The following ABTB2 variants were observed in gnomAD, a reference collection of about 807,000 sequenced individuals.
ABTB2 encodes the protein ankyrin repeat and BTB/POZ domain-containing protein 2.
ABTB2 carries 56 observed loss-of-function variants against 104.1 expected under a neutral mutation model. The ratio of observed to expected loss-of-function variants is 0.54; its 90% confidence interval spans 0.43 to 0.67. ABTB2 has a LOEUF of 0.67. ABTB2 is among the 30% of genes least tolerant of loss of function. ABTB2 has a pLI of 0.00. For synonymous variants in ABTB2, 606 were observed against 608.2 expected (o/e 1.00, Z 0.05); for missense variants, 1,279 against 1,407.7 (o/e 0.91, Z 1.46).
intron 1 of ABTB2, among the ~76,000 whole-genome samples, chr11:34,253,562 G>A (rs1027180894): frequency 2.6e-5 from 4 of 152,034 alleles, no homozygotes; most frequent in Non-Finnish European, 5.9e-5. Context: ...TGTAATCCCA[G>A]CTACTCGGGA....
chr11:34,196,524 A>G (rs1853258427), intron 3 of ABTB2, among the ~76,000 whole-genome samples: 1 of 152,218 alleles, frequency 6.6e-6, no homozygotes, highest in African/African-American at 2.4e-5. Flanking sequence ...ATTGCACTCC[A>G]GCCTGGGCAA....
chr11:34,217,533 C>T (rs543625600), intron 1 of ABTB2, among the ~76,000 whole-genome samples: 1 of 152,304 alleles, frequency 6.6e-6, no homozygotes, highest in South Asian at 2.1e-4. Context: ...GTGATCCTGG[C>T]TCACCACAAT....
At chr11:34,235,970 G>A (rs531749613) in intron 1 of ABTB2, among the ~76,000 whole-genome samples, 2 of 152,342 alleles carry the variant, frequency 1.3e-5, no homozygotes, top group Admixed American at 1.3e-4. Flanking sequence ...TAGCTTCCCT[G>A]CTGCCCACAC....
At chr11:34,201,578 A>G (rs1853339374) in intron 2 of ABTB2, among the ~76,000 whole-genome samples, 1 of 152,172 alleles carries the variant, frequency 6.6e-6, no homozygotes, top group South Asian at 2.1e-4. Context: ...GATGTTGGAG[A>G]GGCTCAGGGA....
At chr11:34,217,547 C>T (rs964007005) in intron 1 of ABTB2, among the ~76,000 whole-genome samples, 5 of 152,128 alleles carry the variant, frequency 3.3e-5, no homozygotes, top group Non-Finnish European at 5.9e-5. Flanking sequence ...CCACAATCTT[C>T]GCCTCCTGGG....
intron 1 of ABTB2, among the ~76,000 whole-genome samples, chr11:34,220,391 T>A (rs1184385325): frequency 6.6e-6 from 1 of 152,232 alleles, no homozygotes; most frequent in South Asian, 2.1e-4. Context: ...TTCTGGACAA[T>A]GAGACATCAA....
chr11:34,177,502 C>T (rs1448451434), intron 3 of ABTB2, among the ~76,000 whole-genome samples: 3 of 152,098 alleles, frequency 2.0e-5, no homozygotes, highest in African/African-American at 7.2e-5. Context: ...GCAGAGGCCA[C>T]CTTTGTGTTC....
intron 3 of ABTB2, among the ~76,000 whole-genome samples, chr11:34,189,499 G>A (rs1853145249): frequency 1.3e-5 from 2 of 152,152 alleles, no homozygotes; most frequent in African/African-American, 4.8e-5. Context: ...TACTCAGGAG[G>A]TGGAGGTGGG....
rs78506048 is a variant in ABTB2, at chr11:34,310,897, G to A, written c.883+45804C>T. Among the ~76,000 whole-genome samples the A allele has an allele frequency of 3.7e-3, 559 of 152,304 alleles. 2 individuals carry two copies. Among genetic ancestry groups the A allele is most frequent in the African/African-American group, 0.012 (484 of 41,566 alleles). ...AAAACAGCTGTGAGAGCAAATGTGT[G>A]CATTTGTGCTGTTTTTGGAAGGGAA... On this transcript the variant is annotated intron_variant, in intron 1 of 16. Transcript: ENST00000435224.
intron 3 of ABTB2, among the ~76,000 whole-genome samples, chr11:34,185,512 T>C (rs1227586137): frequency 6.6e-6 from 1 of 152,238 alleles, no homozygotes; most frequent in Non-Finnish European, 1.5e-5. Context: ...ATGTTACCTC[T>C]GAAACAGTCA....
At chr11:34,284,865 G>A (rs558483641) in intron 1 of ABTB2, among the ~76,000 whole-genome samples, 2 of 152,376 alleles carry the variant, frequency 1.3e-5, no homozygotes, top group East Asian at 3.9e-4. Context: ...TGGAGCCAGA[G>A]GGGTGTTAAT....
intron 1 of ABTB2, among the ~76,000 whole-genome samples, chr11:34,283,010 G>A (rs1854465805): frequency 6.6e-6 from 1 of 151,122 alleles, no homozygotes; most frequent in South Asian, 2.1e-4. Flanking sequence ...CCGGGTTCAC[G>A]CCATTCCCCA....
At position 34,158,564 on chromosome 11, in the gene ABTB2, C is replaced by G. The variant is rs554093500; in HGVS notation, c.2697+732G>C. 2.0e-5 allele frequency among the ~76,000 whole-genome samples: 3 copies of G among 152,328 alleles called. No homozygotes were observed. In the East Asian group the frequency reaches 5.8e-4, roughly 29 times the overall value. On this transcript the variant is annotated intron_variant, in intron 14 of 16. Transcript: ENST00000435224. ...GCTGCCTCCTGGCCTCAGTCCCAGC[C>G]CATAAGGGTCAGCTCTTGCAGCCCT... is the stretch of plus-strand genomic sequence containing the variant.
intron 1 of ABTB2, among the ~76,000 whole-genome samples, chr11:34,318,610 AC>A (rs1239104058): frequency 6.6e-6 from 1 of 152,186 alleles, no homozygotes; most frequent in Non-Finnish European, 1.5e-5. Context: ...ATACACAATG[AC>A]GTCATAATAA....
intron 1 of ABTB2, among the ~76,000 whole-genome samples, chr11:34,261,476 T>G (rs986020577): frequency 6.7e-6 from 1 of 149,724 alleles, no homozygotes; most frequent in African/African-American, 2.5e-5. Flanking sequence ...TTACTCCAAT[T>G]GCATTATATA....
intron 1 of ABTB2, among the ~76,000 whole-genome samples, chr11:34,349,078 A>C (rs934593476): frequency 1.3e-5 from 2 of 152,198 alleles, no homozygotes; most frequent in Non-Finnish European, 1.5e-5. Context: ...CCAAGCACAC[A>C]ACCAAAGCTG....
rs150366172 is a variant in ABTB2 at position 34,243,036 on chromosome 11, G to A, written c.884-38346C>T. On this transcript the variant is annotated intron_variant, in intron 1 of 16. Transcript: ENST00000435224. ...GCCCTGCCCACCTCACTGACAGTCCGAATCTGGGAGCCTGATAAGGAGGCT... is the reference window on the plus strand; with the variant it reads ...GCCCTGCCCACCTCACTGACAGTCCAAATCTGGGAGCCTGATAAGGAGGCT... 2.0e-3 allele frequency among the ~76,000 whole-genome samples: 300 copies of A among 152,248 alleles called. 1 individual carries two copies. The highest frequency in any genetic ancestry group is 3.3e-3 in the Non-Finnish European group (224 of 68,016).
chr11:34,306,982 T>TAAAAA (rs61161318), intron 1 of ABTB2, among the ~76,000 whole-genome samples: 17 of 94,476 alleles, frequency 1.8e-4, no homozygotes, highest in African/African-American at 4.0e-4. Context: ...TCAGGAAACT[T>TAAAAA]AAAAAAAAAA....
chr11:34,154,144 C>G lies in ABTB2; in HGVS notation c.2880+121G>C. The stretch of plus-strand genomic sequence containing the variant: ...AACCCTCCCTCAGCCTCTACACTGC[C>G]CTCAGAAGCAGCCTGGTCACCTGCA... On this transcript the variant is annotated intron_variant, in intron 16 of 16. Transcript: ENST00000435224. The surrounding 1 kb of genome is among the most constrained non-coding windows in gnomAD (Gnocchi z 4.9). 1.4e-6 allele frequency: 1 copy of G among 738,742 alleles called. No individual in the cohort carries two copies. The highest frequency in any genetic ancestry group is 2.3e-6 in the Non-Finnish European group (1 of 427,592). 45.8% of individuals were successfully genotyped at this position (738,742 alleles called of 1,614,324 possible).
Sources: allele counts gnomAD v4.1 joint callset (sites outside exome capture counted in the v4.1 genomes callset), GRCh38; gene constraint gnomAD v4.1.1; non-coding constraint Gnocchi (gnomAD v3.1); transcripts MANE v1.5; gene names NCBI Gene and HGNC (gene_info 2026-07-23, HGNC 2026-07-21).